The following PAK3 variants were observed in gnomAD, a reference collection of about 807,000 sequenced individuals.
PAK3 encodes the protein p21 (RAC1) activated kinase 3.
Under a neutral mutation model 41.0 loss-of-function variants are expected in PAK3, and 4 were observed. The observed-to-expected ratio is 0.10, with a 90% CI of 0.05 to 0.22. The LOEUF is 0.22. Ranked by LOEUF, PAK3 falls within the 10% of genes least tolerant of loss-of-function variation. The probability of loss-of-function intolerance (pLI) is 1.00; values close to 1 mark genes in which losing one functional copy is unlikely to be tolerated. For synonymous variants in PAK3, 146 were observed against 139.6 expected (o/e 1.05, Z -0.32); for missense variants, 205 against 409.9 (o/e 0.50, Z 4.32).
chrX:111,048,694 C>T (rs1490455299), intron 1 of PAK3, among the ~76,000 whole-genome samples: 3 of 112,045 alleles, frequency 2.7e-5, no homozygotes, highest in South Asian at 3.7e-4. Context: ...CCCTCAAAAA[C>T]GTATAAAAAT....
intron 1 of PAK3, among the ~76,000 whole-genome samples, chrX:111,063,823 A>G (rs1378012585): frequency 1.2e-4 from 1 of 8,225 alleles, no homozygotes; most frequent in Non-Finnish European, 0.014. Flanking sequence ...CTGTCTCGAA[A>G]AAAAAAAAAA....
chrX:111,157,995 CA>C (rs1283389576), intron 8 of PAK3, among the ~76,000 whole-genome samples: 4 of 111,361 alleles, frequency 3.6e-5, no homozygotes, highest in Non-Finnish European at 7.5e-5. Context: ...CCATTGACTC[CA>C]AAAATGATCA....
At chrX:111,004,962 A>G (rs188274771) in intron 1 of PAK3, among the ~76,000 whole-genome samples, 238 of 112,454 alleles carry the variant, frequency 2.1e-3, no homozygotes, top group Non-Finnish European at 1.4e-3. Context: ...ATATTTTGTT[A>G]TTGACTAACT....
chrX:110,976,958 G>T (rs889175011), intron 1 of PAK3, among the ~76,000 whole-genome samples: 1 of 108,420 alleles, frequency 9.2e-6, no homozygotes, highest in East Asian at 2.9e-4. Context: ...GGGCATGTCA[G>T]GGGTTGGGGG....
rs779265283 is a variant in PAK3, at chrX:110,999,585, G to A, written c.-28+54957G>A. Among the ~76,000 whole-genome samples the A allele has an allele frequency of 3.3e-3, 362 of 109,950 alleles. 1 individual carries two copies. The highest frequency in any genetic ancestry group is 4.2e-3 in the Non-Finnish European group (219 of 52,766). The stretch of plus-strand genomic sequence containing the variant: ...TCTAGGCAGTCTGGCTTCAGGGCCT[G>A]TAGACTCAGCCACTTAATTTATACA... On this transcript the variant is annotated intron_variant, in intron 1 of 14. Coordinates refer to the PAK3 transcript ENST00000425146.
At position 110,953,605 on chromosome X, in the gene PAK3, T is replaced by C. The variant is rs1049690480; in HGVS notation, c.-28+8977T>C. On this transcript the variant is annotated intron_variant, in intron 1 of 14. Coordinates refer to the PAK3 transcript ENST00000425146. ...GACTGGAACACCCTCCAGAGGTAAC[T>C]TTCAGGAGGCAAGATCTCCTGGTGT... Among the ~76,000 whole-genome samples the C allele has an allele frequency of 2.3e-4, 26 of 112,083 alleles. 2 individuals carry two copies. The highest frequency in any genetic ancestry group is 3.8e-5 in the Non-Finnish European group (2 of 53,219).
chrX:111,199,566 A>C (rs2094655474), intron 16 of PAK3, among the ~76,000 whole-genome samples: 1 of 111,715 alleles, frequency 9.0e-6, no homozygotes, highest in Non-Finnish European at 1.9e-5. Context: ...TTTCCAGAAC[A>C]GCTGTAATTT....
At chrX:110,997,726 C>T (rs1384256953) in intron 1 of PAK3, among the ~76,000 whole-genome samples, 2 of 111,278 alleles carry the variant, frequency 1.8e-5, no homozygotes, top group Non-Finnish European at 3.8e-5. Context: ...TTGTGTTCTC[C>T]CCAAAATTTC....
chrX:111,028,629 A>C (rs2092304863), intron 1 of PAK3, among the ~76,000 whole-genome samples: 1 of 112,113 alleles, frequency 8.9e-6, no homozygotes, highest in African/African-American at 3.2e-5. Context: ...AGCTAGATAC[A>C]TCTGTTAATA....
chrX:111,013,909 G>A (rs2092049112), intron 1 of PAK3: 1 of 111,859 alleles, frequency 8.9e-6, no homozygotes, highest in South Asian at 3.8e-4. Context: ...AGGTACACTT[G>A]AATGGTCTCT....
At chrX:111,027,220 AT>A (rs1336875629) in intron 1 of PAK3, among the ~76,000 whole-genome samples, 5 of 11,272 alleles carry the variant, frequency 4.4e-4, no homozygotes, top group Non-Finnish European at 2.8e-3. Flanking sequence ...AGAAGATTAC[AT>A]TTAAAAAAAA....
chrX:111,184,872 G>A (rs2094494718), intron 11 of PAK3, among the ~76,000 whole-genome samples: 2 of 111,563 alleles, frequency 1.8e-5, no homozygotes, highest in Admixed American at 9.5e-5. Flanking sequence ...ATGTACACGT[G>A]TCTTTATAGT....
Position 110,981,542 on chromosome X carries a change from AGTGTGTGT to A in PAK3, c.-28+36935_-28+36942del, listed in dbSNP as rs3033534. ...TACTCTCAAATGATTGAGAAAAAATAGTGTGTGTGTGTGTGTGTGTGTGTGTGTACAGA... is the reference window on the plus strand; with the variant it reads ...TACTCTCAAATGATTGAGAAAAAATAGTGTGTGTGTGTGTGTGTGTACAGA... On this transcript the variant is annotated intron_variant, in intron 1 of 14. Transcript: ENST00000425146. 2.6e-3 allele frequency among the ~76,000 whole-genome samples: 268 copies of A among 103,004 alleles called. 1 individual carries two copies. Among genetic ancestry groups the A allele is most frequent in the African/African-American group, 8.3e-3 (236 of 28,500 alleles). The allele number at this position is 103,004 out of a possible 115,157, so 89.4% of individuals were successfully genotyped here.
chrX:111,150,932 G>C (rs930762542), intron 7 of PAK3, among the ~76,000 whole-genome samples: 46 of 111,693 alleles, frequency 4.1e-4, no homozygotes, highest in African/African-American at 1.5e-3. Flanking sequence ...TTTAGTATAA[G>C]CAGGCTTTAA....
intron 10 of PAK3, among the ~76,000 whole-genome samples, chrX:111,167,972 T>TG (rs972102863): frequency 9.0e-6 from 1 of 111,363 alleles, no homozygotes; most frequent in African/African-American, 3.3e-5. Flanking sequence ...CTCCTTCCTC[T>TG]GGGCCCCACT....
At position 111,192,122 on chromosome X, in the gene PAK3, C is replaced by G; in HGVS notation, c.831-5C>G. ...TTATTCTTTTGATAATTTTCACCTT[C>G]ACAGGGCATCAGGTACTGTTTATAC... is the stretch of plus-strand genomic sequence containing the variant. On this transcript the variant is annotated splice_region_variant and splice_polypyrimidine_tract_variant and intron_variant, in intron 11 of 17. Coordinates refer to ENST00000372007, the MANE Select transcript of PAK3 (RefSeq NM_002578.5). 1 of 1,066,249 alleles carries G rather than the reference C, an allele frequency of 9.4e-7. No homozygotes were observed. The highest frequency in any genetic ancestry group is 1.3e-6 in the Non-Finnish European group (1 of 764,340). The allele number at this position is 1,066,249 out of a possible 1,213,427, so 87.9% of individuals were successfully genotyped here. A position where few individuals can be genotyped will look rare whatever the true frequency, so the allele number is the denominator to read the frequency against.
intron 16 of PAK3, among the ~76,000 whole-genome samples, chrX:111,205,644 C>G (rs893175933): frequency 1.8e-5 from 2 of 111,234 alleles, no homozygotes; most frequent in African/African-American, 3.3e-5. Flanking sequence ...TGGGAAGAAG[C>G]CAGTGAAGAA....
chrX:111,190,204 A>T (rs1426666767), intron 11 of PAK3, among the ~76,000 whole-genome samples: 1 of 111,263 alleles, frequency 9.0e-6, no homozygotes, highest in African/African-American at 3.3e-5. Context: ...AAACACAAGC[A>T]GAGTGAGGAG....
At chrX:111,038,071 G>C (rs1356569812) in intron 1 of PAK3, among the ~76,000 whole-genome samples, 1 of 111,946 alleles carries the variant, frequency 8.9e-6, no homozygotes, top group Non-Finnish European at 1.9e-5. Context: ...GAAGATGATA[G>C]TAGCCCCAAA....
Sources: allele counts gnomAD v4.1 joint callset (sites outside exome capture counted in the v4.1 genomes callset), GRCh38; gene constraint gnomAD v4.1.1; transcripts MANE v1.5; gene names NCBI Gene and HGNC (gene_info 2026-07-23, HGNC 2026-07-21).